Variants in KIF1A observed in about 807,000 individuals in gnomAD.
The protein encoded by KIF1A is kinesin-like protein KIF1A.
A neutral mutation model predicts 227.3 loss-of-function variants in KIF1A; 46 were observed. That is an observed-to-expected ratio of 0.20 (90% CI 0.16 to 0.26). The LOEUF is 0.26. KIF1A is among the 10% of genes least tolerant of loss of function. The pLI, the probability that KIF1A is intolerant of heterozygous loss-of-function variation, is 1.00. For missense variants in KIF1A, 1,683 were observed against 2,485.9 expected (o/e 0.68, Z 6.87); for synonymous variants, 1,022 against 1,012.8 (o/e 1.01, Z -0.17).
chr2:240,722,397 T>C (rs2045511757), intron 43 of KIF1A, 59 bp downstream of exon 43: 2 of 1,487,174 alleles, frequency 1.3e-6, no homozygotes, highest in African/African-American at 1.4e-5. Context: ...TGCCCAGAAA[T>C]GACTCAGGGC....
At chr2:240,811,951 G>A (rs1359491305) in intron 1 of KIF1A, among the ~76,000 whole-genome samples, 1 of 151,984 alleles carries the variant, frequency 6.6e-6, no homozygotes, top group East Asian at 1.9e-4. Flanking sequence ...GGGGATGGTG[G>A]CCATCCATGT....
intron 38 of KIF1A, among the ~76,000 whole-genome samples, chr2:240,732,964 G>A (rs952002136): frequency 7.9e-6 from 1 of 126,330 alleles, no homozygotes; most frequent in Non-Finnish European, 1.7e-5. Context: ...ATGAGGAATG[G>A]ATGAGGGAGA....
chr2:240,723,336 C>T, intron 42 of KIF1A, 77 bp downstream of exon 42: 3 of 1,397,624 alleles, frequency 2.1e-6, no homozygotes, highest in Non-Finnish European at 9.6e-7. Context: ...AGGCCCTGGG[C>T]CCTCTCCAGC....
rs369978865 is a variant in KIF1A at position 240,762,067 on chromosome 2, A to G, written c.2116+652T>C. 1.1e-4 allele frequency among the ~76,000 whole-genome samples: 17 copies of G among 152,280 alleles called. 1 individual carries two copies. The highest frequency in any genetic ancestry group is 3.4e-4 in the African/African-American group (14 of 41,560). ...CACTACACGCCTTTGGCTGCCCCCA[A>G]TCTGGCACGCCTGAGCTTTGCTGTG... On this transcript the variant is annotated intron_variant, in intron 23 of 48. Transcript: ENST00000498729.
chr2:240,737,111 G>A lies in KIF1A; in HGVS notation c.3959C>T (p.Ser1320Phe). 2 of 1,613,826 alleles carry A rather than the reference G, an allele frequency of 1.2e-6. No individual in the cohort carries two copies. Among genetic ancestry groups the A allele is most frequent in the African/African-American group, 1.3e-5 (1 of 75,040 alleles). ...DESLIDPNIL[S>F]LNILSSGYIH... ...GTATCCGGAAGAGAGGATGTTGAGAGACAAGATGTTGGGGTCGATCAGGGA... is the reference window on the plus strand; with the variant it reads ...GTATCCGGAAGAGAGGATGTTGAGAAACAAGATGTTGGGGTCGATCAGGGA... Residue 1320 changes from serine to phenylalanine, a missense_variant, in exon 38 of 49, where the codon TCT becomes TTT. By Grantham distance (155) the Ser-to-Phe change is radical. Around this residue, in one of 12 missense-constraint regions of KIF1A, gnomAD observed 759 missense variants for 1,020.2 expected, o/e 0.74. Coordinates refer to ENST00000498729, the MANE Select transcript of KIF1A (RefSeq NM_001244008.2).
At chr2:240,744,587 G>C (rs2048368989) in intron 32 of KIF1A, among the ~76,000 whole-genome samples, 1 of 152,168 alleles carries the variant, frequency 6.6e-6, no homozygotes, top group Non-Finnish European at 1.5e-5. Context: ...GCGGAAGTTT[G>C]GGCCCAGGCA....
rs180713855 is a variant in KIF1A at position 240,717,017 on chromosome 2, T to C, written c.*347A>G. ...TTATAGTTAATTTCCGAGTTGACTG[T>C]TTCAATGTCACTAACTAACGTATAT... On this transcript the variant is annotated 3_prime_UTR_variant, in exon 49 of 49. Coordinates refer to ENST00000498729, the MANE Select transcript of KIF1A (RefSeq NM_001244008.2). 95 of 287,848 alleles carry C rather than the reference T, an allele frequency of 3.3e-4. No individual in the cohort carries two copies. In the East Asian group the frequency reaches 5.5e-3, roughly 17 times the overall value. 17.8% of individuals were successfully genotyped at this position (287,848 alleles called of 1,614,324 possible).
chr2:240,800,801 C>T (rs1045828340), intron 1 of KIF1A, among the ~76,000 whole-genome samples: 3 of 152,214 alleles, frequency 2.0e-5, no homozygotes, highest in Non-Finnish European at 4.4e-5. Flanking sequence ...AGTTCAGGGT[C>T]CTCCGGGAGG....
rs755599142 is a variant in KIF1A at position 240,722,522 on chromosome 2, G to C, written c.4599C>G (p.Leu1533=). 59 of 1,548,400 alleles carry C rather than the reference G, an allele frequency of 3.8e-5. No homozygotes were observed. The highest frequency in any genetic ancestry group is 2.0e-4 in the Middle Eastern group (1 of 4,980). Residue 1533 remains leucine, a synonymous_variant, in exon 43 of 49, where the codon CTC becomes CTG. Transcript: ENST00000498729. ...SHGSSSASSP[L]SAEGRPSPLE... ...GGGGTGATGGGCGGCCCTCAGCCGA[G>C]AGCGGGGAGGAGGCGCTGGAGGAGC...
At chr2:240,812,925 G>GATCCA (rs2058028813) in intron 1 of KIF1A, among the ~76,000 whole-genome samples, 1 of 144,472 alleles carries the variant, frequency 6.9e-6, no homozygotes, top group African/African-American at 2.6e-5. Context: ...TCGGGGATCA[G>GATCCA]CCTTCACCTC....
Position 240,741,337 on chromosome 2 carries a change from C to G in KIF1A, c.3681G>C (p.Pro1227=). ...GGTCGTACTTGCAGTGGCAGGGTCCCGGACAGGGCCGCGTCAGTGTGCTGA... is the reference window on the plus strand; with the variant it reads ...GGTCGTACTTGCAGTGGCAGGGTCCGGGACAGGGCCGCGTCAGTGTGCTGA... ...TKLSTLTRPC[P]GPCHCKYDLL... Residue 1227 remains proline (P), a synonymous_variant, in exon 35 of 49, where the codon CCG becomes CCC. Coordinates refer to ENST00000498729, the MANE Select transcript of KIF1A (RefSeq NM_001244008.2). The G allele has an allele frequency of 6.3e-7, 1 of 1,593,744 alleles. No homozygotes were observed. Among genetic ancestry groups the G allele is most frequent in the East Asian group, 2.3e-5 (1 of 44,206 alleles).
At chr2:240,785,761 C>T (rs1244376455) in intron 6 of KIF1A, among the ~76,000 whole-genome samples, 2 of 152,176 alleles carry the variant, frequency 1.3e-5, no homozygotes, top group African/African-American at 4.8e-5. Flanking sequence ...GTGGGGCCAC[C>T]AAAGGGGTGC....
In KIF1A at chr2:240,726,546, G is replaced by A. The variant is rs2046028223; in HGVS notation, c.4122+280C>T. 6.6e-6 allele frequency among the ~76,000 whole-genome samples: 1 copy of A among 152,210 alleles called. No individual in the cohort carries two copies. Among genetic ancestry groups the A allele is most frequent in the East Asian group, 1.9e-4 (1 of 5,192 alleles). ...GAATCGCTTGAGCCTGGGAAGCGGA[G>A]GTTGCAGTGAGACTGCGCCATTGCA... On this transcript the variant is annotated intron_variant, in intron 39 of 48. Coordinates refer to ENST00000498729, the MANE Select transcript of KIF1A (RefSeq NM_001244008.2). This position sits in a 1 kb window ranked among gnomAD's most constrained non-coding sequence, Gnocchi z 5.2.
In KIF1A at chr2:240,757,156, C is replaced by T. The variant is rs529356129; in HGVS notation, c.2858+163G>A. On this transcript the variant is annotated intron_variant, in intron 27 of 48. Coordinates refer to ENST00000498729, the MANE Select transcript of KIF1A (RefSeq NM_001244008.2). This position sits in a 1 kb window ranked among gnomAD's most constrained non-coding sequence, Gnocchi z 6.2. The stretch of plus-strand genomic sequence containing the variant: ...AGCCCCACTGCAAGGATGCAGGGCC[C>T]GGGGGCCCTCGGGTGCTCTCCTCAG... Among the ~76,000 whole-genome samples the T allele has an allele frequency of 3.8e-3, 583 of 152,304 alleles. 2 individuals carry two copies. Among genetic ancestry groups the T allele is most frequent in the Non-Finnish European group, 6.5e-3 (445 of 68,000 alleles).
intron 24 of KIF1A, 78 bp from the exon 25 acceptor site, chr2:240,760,921 C>T (rs1346407769): frequency 1.5e-6 from 2 of 1,375,162 alleles, no homozygotes; most frequent in Non-Finnish European, 2.0e-6. Flanking sequence ...TTCCTTCCCA[C>T]CTTCTGGAGA....
intron 5 of KIF1A, 128 bp from the exon 6 acceptor site, chr2:240,786,641 T>C (rs1487159330): frequency 1.1e-4 from 88 of 782,744 alleles, no homozygotes; most frequent in African/African-American, 1.1e-3. Flanking sequence ...GGGGCCGCCA[T>C]CAGGACCCCT....
chr2:240,817,717 G>A (rs952341579), intron 1 of KIF1A, among the ~76,000 whole-genome samples: 3 of 152,126 alleles, frequency 2.0e-5, no homozygotes, highest in African/African-American at 7.2e-5. Flanking sequence ...TGCTTTGGCC[G>A]GCCCGGCTGA....
In KIF1A at chr2:240,757,337, AG is replaced by A. The variant is rs759736676; in HGVS notation, c.2839del (p.Leu947CysfsTer4). On this transcript the variant is annotated frameshift_variant, in exon 27 of 49. Transcript: ENST00000498729. LOFTEE classifies it high-confidence loss of function. This position sits in a 1 kb window ranked among gnomAD's most constrained non-coding sequence, Gnocchi z 6.2. ...GRDPFYDRPP[L>X]FSLVGRAFVY... is the part of the protein sequence containing the mutation. ...CACCAACCTTCCTACTAAACTGAAC[AG>A]GGGGGGCCGGTCGTAAAACGGGTCC... 1 of 1,550,508 alleles carries A rather than the reference AG, an allele frequency of 6.4e-7. No individual in the cohort carries two copies.
chr2:240,723,862 T>G (rs2045686043), intron 41 of KIF1A, 113 bp downstream of exon 41: 29 of 948,490 alleles, frequency 3.1e-5, no homozygotes. Flanking sequence ...AGGTGAGTGC[T>G]TGGGTTCTGT....
Sources: allele counts gnomAD v4.1 joint callset (sites outside exome capture counted in the v4.1 genomes callset), GRCh38; gene constraint gnomAD v4.1.1; regional missense constraint gnomAD v4.1.1; non-coding constraint Gnocchi (gnomAD v3.1); transcripts MANE v1.5; gene names NCBI Gene and HGNC (gene_info 2026-07-23, HGNC 2026-07-21).